Variants in TBCEL observed in about 807,000 individuals in gnomAD.
The protein encoded by TBCEL is tubulin folding cofactor E like, also known as tubulin-specific chaperone cofactor E-like protein.
TBCEL carries 15 observed loss-of-function variants against 44.2 expected under a neutral mutation model. That is an observed-to-expected ratio of 0.34 (90% CI 0.23 to 0.52). The LOEUF (loss-of-function observed/expected upper bound fraction) is 0.52. TBCEL is among the 20% of genes least tolerant of loss of function. The pLI is 0.95. For missense variants in TBCEL, 319 were observed against 506.3 expected, an observed-to-expected ratio of 0.63 and a Z score of 3.55; for synonymous variants, 171 against 185.4, an observed-to-expected ratio of 0.92 and a Z score of 0.63.
Position 121,024,548 on chromosome 11 carries a change from GCT to G in TBCEL, c.-126+258_-126+259del, listed in dbSNP as rs761270419. On this transcript the variant is annotated intron_variant, in intron 1 of 8. Coordinates refer to ENST00000683345, the MANE Select transcript of TBCEL (RefSeq NM_001363644.2). ...CTTGGGCTGGGCTGGGCTGGGCTGGGCTGGGGGACTGGTCCCGGGTTGGAGGA... is the reference window on the plus strand; with the variant it reads ...CTTGGGCTGGGCTGGGCTGGGCTGGGGGGGGACTGGTCCCGGGTTGGAGGA... Among the ~76,000 whole-genome samples, 656 of 152,088 alleles carry G rather than the reference GCT, an allele frequency of 4.3e-3. 4 individuals are homozygous for G. Among genetic ancestry groups the G allele is most frequent in the Middle Eastern group, 0.014 (4 of 294 alleles).
chr11:121,038,901 C>A (rs1945281824), intron 2 of TBCEL, among the ~76,000 whole-genome samples: 1 of 152,110 alleles, frequency 6.6e-6, no homozygotes, highest in Admixed American at 6.6e-5. Flanking sequence ...GGATTCTGTT[C>A]CCTTAACTGT....
chr11:121,076,499 T>C (rs1222551659), intron 8 of TBCEL, among the ~76,000 whole-genome samples: 1 of 152,040 alleles, frequency 6.6e-6, no homozygotes, highest in African/African-American at 2.4e-5. Context: ...AGAATTACAA[T>C]TGGTATTTGT....
intron 8 of TBCEL, among the ~76,000 whole-genome samples, chr11:121,084,105 C>T (rs1175187070): frequency 2.6e-5 from 4 of 152,174 alleles, no homozygotes; most frequent in Admixed American, 2.6e-4. Context: ...AAGGCAGAGC[C>T]CTTGTGACCT....
At chr11:121,074,897 G>A (rs1276743984) in intron 8 of TBCEL, among the ~76,000 whole-genome samples, 1 of 151,970 alleles carries the variant, frequency 6.6e-6, no homozygotes, top group Non-Finnish European at 1.5e-5. Flanking sequence ...AAAGAATACA[G>A]CAAGATCCTG....
chr11:121,056,977 A>G (rs1306897406), intron 6 of TBCEL, among the ~76,000 whole-genome samples: 1 of 151,848 alleles, frequency 6.6e-6, no homozygotes, highest in Admixed American at 6.6e-5. Flanking sequence ...TTCTGAAAAT[A>G]CCTACATAAT....
chr11:121,070,080 C>T (rs1337816240), intron 8 of TBCEL, among the ~76,000 whole-genome samples: 2 of 152,134 alleles, frequency 1.3e-5, no homozygotes, highest in Non-Finnish European at 2.9e-5. Flanking sequence ...GACATTTATG[C>T]AGCCAAAAGA....
chr11:121,058,553 T>C (rs974123521), intron 7 of TBCEL, 82 bp downstream of exon 7: 12 of 1,531,832 alleles, frequency 7.8e-6, no homozygotes, highest in East Asian at 4.6e-5. Context: ...TTAGTGGGAG[T>C]GCACTATGAA....
At chr11:121,064,665 G>A (rs759220424) in intron 8 of TBCEL, among the ~76,000 whole-genome samples, 3 of 152,088 alleles carry the variant, frequency 2.0e-5, no homozygotes, top group Non-Finnish European at 4.4e-5. Flanking sequence ...GACCTGTAAA[G>A]TGTTTTCAGA....
At chr11:121,079,972 G>A (rs1272960574) in intron 8 of TBCEL, among the ~76,000 whole-genome samples, 1 of 151,978 alleles carries the variant, frequency 6.6e-6, no homozygotes, top group Non-Finnish European at 1.5e-5. Context: ...ACACCACCAC[G>A]TCTGGCTATT....
chr11:121,064,816 T>C (rs1945788319), intron 8 of TBCEL, among the ~76,000 whole-genome samples: 1 of 152,098 alleles, frequency 6.6e-6, no homozygotes, highest in Non-Finnish European at 1.5e-5. Flanking sequence ...ATTATCATAC[T>C]TATTTTCTTT....
chr11:121,036,553 T>G lies in TBCEL; in HGVS notation c.-77T>G, dbSNP rs1431593722. On this transcript the variant is annotated 5_prime_UTR_variant, in exon 2 of 9. Coordinates refer to ENST00000683345, the MANE Select transcript of TBCEL (RefSeq NM_001363644.2). ...AGACAGTTGGTTTAAACCAACATTT[T>G]TGGACGAGGAGAGGCTATGGAAATG... 5 of 152,240 alleles carry G rather than the reference T, an allele frequency of 3.3e-5. No individual in the cohort carries two copies. The highest frequency in any genetic ancestry group is 1.2e-4 in the African/African-American group (5 of 41,456). The allele number at this position is 152,240 out of a possible 1,614,324, so 9.4% of individuals were successfully genotyped here. A position where few individuals can be genotyped will look rare whatever the true frequency, so the allele number is the denominator to read the frequency against.
At position 121,086,971 on chromosome 11, in the gene TBCEL, C is replaced by G; in HGVS notation, c.1150C>G (p.Leu384Val). ...AGTACAATTACCCACAAGCAACATG[C>G]TTCTCTACTATTTTGACCATGAAGC... ...TLVQLPTSNM[L>V]LYYFDHEAPF... Residue 384 changes from leucine to valine, a missense_variant, in exon 9 of 9, where the codon CTT becomes GTT. Coordinates refer to ENST00000683345, the MANE Select transcript of TBCEL (RefSeq NM_001363644.2). 1.2e-6 allele frequency: 2 copies of G among 1,614,076 alleles called. No homozygotes were observed. The highest frequency in any genetic ancestry group is 1.7e-6 in the Non-Finnish European group (2 of 1,179,992).
chr11:121,074,133 C>T (rs902393620), intron 8 of TBCEL, among the ~76,000 whole-genome samples: 3 of 151,810 alleles, frequency 2.0e-5, no homozygotes, highest in Non-Finnish European at 2.9e-5. Flanking sequence ...TAGTCACTTA[C>T]GATTTGGGGG....
chr11:121,061,584 A>G (rs1439262465), intron 8 of TBCEL, among the ~76,000 whole-genome samples: 2 of 152,104 alleles, frequency 1.3e-5, no homozygotes, highest in Non-Finnish European at 2.9e-5. Context: ...TATTACTCCT[A>G]GGCTATAAAC....
chr11:121,035,961 T>C (rs929086085), intron 1 of TBCEL: 1 of 152,180 alleles, frequency 6.6e-6, no homozygotes, highest in African/African-American at 2.4e-5. Context: ...TATGTTTCCA[T>C]GTCTCGTGTG....
At chr11:121,043,282 G>C (rs1591387612) in intron 2 of TBCEL, among the ~76,000 whole-genome samples, 2 of 152,108 alleles carry the variant, frequency 1.3e-5, no homozygotes, top group Admixed American at 6.6e-5. Flanking sequence ...AATAAACTAT[G>C]CCTGATGCTA....
At chr11:121,048,725 C>G (rs551819387) in intron 4 of TBCEL, among the ~76,000 whole-genome samples, 1 of 152,040 alleles carries the variant, frequency 6.6e-6, no homozygotes, top group African/African-American at 2.4e-5. Context: ...ACTCTATAAG[C>G]ATGACCCTTC....
At chr11:121,044,071 C>G (rs1037818132) in intron 2 of TBCEL, among the ~76,000 whole-genome samples, 1 of 151,982 alleles carries the variant, frequency 6.6e-6, no homozygotes, top group Non-Finnish European at 1.5e-5. Context: ...TTGACTTTAC[C>G]TTCTCCCTCA....
intron 8 of TBCEL, among the ~76,000 whole-genome samples, chr11:121,083,096 G>A (rs909589963): frequency 3.3e-5 from 5 of 152,222 alleles, no homozygotes; most frequent in Admixed American, 3.3e-4. Context: ...CAGCTTTTCA[G>A]TCTTGGTAGT....
Sources: gnomAD v4.1 joint callset for allele counts (sites outside exome capture counted in the v4.1 genomes callset) on GRCh38, gnomAD v4.1.1 for gene constraint, MANE v1.5 for transcripts, NCBI Gene and HGNC (gene_info 2026-07-23, HGNC 2026-07-21) for gene names.